Variants in PCGF3 observed in about 807,000 individuals in gnomAD.
The protein encoded by PCGF3 is polycomb group ring finger 3.
Under a neutral mutation model 33.1 loss-of-function variants are expected in PCGF3, and 7 were observed. That is an observed-to-expected ratio of 0.21 (90% confidence interval 0.12 to 0.40). The LOEUF is 0.40. PCGF3 is among the 10% of genes least tolerant of loss of function. The probability of loss-of-function intolerance (pLI) is 1.00; values close to 1 mark genes in which losing one functional copy is unlikely to be tolerated. For synonymous variants in PCGF3, 153 were observed against 121.3 expected (o/e 1.26, Z -1.72); for missense variants, 211 against 313.3 (o/e 0.67, Z 2.46).
At chr4:755,751 C>T (rs1744739646) in intron 8 of PCGF3, among the ~76,000 whole-genome samples, 1 of 152,018 alleles carries the variant, frequency 6.6e-6, no homozygotes, top group African/African-American at 2.4e-5. Context: ...CTCAGGTCCC[C>T]CTGGGCTCTC....
chr4:724,450 G>C (rs1342037390), intron 1 of PCGF3, among the ~76,000 whole-genome samples: 3 of 152,264 alleles, frequency 2.0e-5, no homozygotes, highest in African/African-American at 7.2e-5. Context: ...AGCCCATGCT[G>C]TGGGCTGGGT....
At position 721,928 on chromosome 4, in the gene PCGF3, CAT is replaced by C. The variant is rs1419079796; in HGVS notation, c.-189-8701_-189-8700del. 4.4e-5 allele frequency among the ~76,000 whole-genome samples: 6 copies of C among 135,506 alleles called. No individual in the cohort carries two copies. Among genetic ancestry groups the C allele is most frequent in the African/African-American group, 1.8e-4 (6 of 33,468 alleles). 88.9% of individuals were successfully genotyped at this position (135,506 alleles called of 152,430 possible). The stretch of plus-strand genomic sequence containing the variant: ...GAGAGGCCTGTGGGAGGTGGGTGGA[CAT>C]GTGTCGCTGCATGTGGGTGTGGGGA... On this transcript the variant is annotated intron_variant, in intron 1 of 10. Transcript: ENST00000362003. This position sits in a 1 kb window ranked among gnomAD's most constrained non-coding sequence, Gnocchi z 4.1.
At chr4:768,579 C>T (rs1274655427) in exon 11 of PCGF3, 1 of 152,112 alleles carries the variant, frequency 6.6e-6, no homozygotes, top group African/African-American at 2.4e-5. Flanking sequence ...TTTTCAACAG[C>T]AGTGGGGCTA....
intron 1 of PCGF3, among the ~76,000 whole-genome samples, chr4:708,342 G>C (rs957584866): frequency 3.9e-5 from 6 of 152,136 alleles, no homozygotes; most frequent in African/African-American, 1.4e-4. Flanking sequence ...GGAGCATGTA[G>C]GCCCCAAGAC....
chr4:714,848 C>G (rs1447872884), intron 1 of PCGF3, among the ~76,000 whole-genome samples: 1 of 152,248 alleles, frequency 6.6e-6, no homozygotes, highest in Non-Finnish European at 1.5e-5. Flanking sequence ...TTAATTACAG[C>G]TTCAAAAGTC....
chr4:739,848 C>G (rs1431913383), intron 6 of PCGF3, among the ~76,000 whole-genome samples: 1 of 152,228 alleles, frequency 6.6e-6, no homozygotes, highest in Non-Finnish European at 1.5e-5. Context: ...AGTCGAGAGG[C>G]AAGAGGTTCC....
intron 8 of PCGF3, among the ~76,000 whole-genome samples, chr4:753,655 A>G (rs1178221299): frequency 1.3e-5 from 2 of 150,986 alleles, no homozygotes; most frequent in African/African-American, 4.9e-5. Flanking sequence ...AAAAAAAAAA[A>G]AAGAAGACTG....
intron 7 of PCGF3, 27 bp from the exon 8 acceptor site, chr4:744,573 T>C (rs912722060): frequency 2.0e-6 from 3 of 1,503,422 alleles, no homozygotes; most frequent in South Asian, 1.2e-5. Context: ...GATTTCATGG[T>C]GCGCTATGTT....
exon 11 of PCGF3, chr4:768,258 G>C (rs1745466938): frequency 6.6e-6 from 1 of 152,664 alleles, no homozygotes; most frequent in Non-Finnish European, 1.5e-5. Context: ...TCATCGTGCA[G>C]ACAGTCTTCA....
Position 741,245 on chromosome 4 carries a change from C to A in PCGF3, c.263-2229C>A, listed in dbSNP as rs1168508219. On this transcript the variant is annotated intron_variant, in intron 6 of 10. Transcript: ENST00000362003. ...TTTAAAATGGAATGTCTCATCACAG[C>A]AGAATTTCTTCTCAGAAGTGAAAAT... 3.9e-5 allele frequency among the ~76,000 whole-genome samples: 6 copies of A among 152,216 alleles called. No individual in the cohort carries two copies. The South Asian group carries it at 1.0e-3, about 26-fold the overall frequency.
intron 1 of PCGF3, among the ~76,000 whole-genome samples, chr4:717,756 A>G (rs1742917874): frequency 6.6e-6 from 1 of 152,200 alleles, no homozygotes; most frequent in Non-Finnish European, 1.5e-5. Flanking sequence ...AAGGTGCAGG[A>G]GGGCGTGTTC....
Position 728,120 on chromosome 4 carries a change from G to A in PCGF3, c.-189-2510G>A, listed in dbSNP as rs776057829. Among the ~76,000 whole-genome samples the A allele has an allele frequency of 9.2e-5, 14 of 152,156 alleles. 1 individual carries two copies. The highest frequency in any genetic ancestry group is 1.8e-4 in the Non-Finnish European group (12 of 68,042). On this transcript the variant is annotated intron_variant, in intron 1 of 10. Coordinates refer to ENST00000362003, the Ensembl canonical transcript of PCGF3. ...ATTAGGGTCAAGTTCATCATATCTT[G>A]TCCGTGCTCGGACGTCACCTGCTTT... is the stretch of plus-strand genomic sequence containing the variant.
rs1743095733 is a variant in PCGF3, at chr4:721,930, T to TGG, written c.-189-8699_-189-8698insGG. On this transcript the variant is annotated intron_variant, in intron 1 of 10. Coordinates refer to ENST00000362003, the Ensembl canonical transcript of PCGF3. The surrounding 1 kb of genome is among the most constrained non-coding windows in gnomAD (Gnocchi z 4.1). ...GAGGCCTGTGGGAGGTGGGTGGACA[T>TGG]GTGTCGCTGCATGTGGGTGTGGGGA... Among the ~76,000 whole-genome samples the TGG allele has an allele frequency of 8.5e-6, 1 of 117,340 alleles. No individual in the cohort carries two copies. Among genetic ancestry groups the TGG allele is most frequent in the African/African-American group, 3.6e-5 (1 of 27,518 alleles). The allele number at this position is 117,340 out of a possible 152,430, so 77.0% of individuals were successfully genotyped here. A position where few individuals can be genotyped will look rare whatever the true frequency, so the allele number is the denominator to read the frequency against.
At chr4:738,513 C>CG (rs1229299391) in intron 6 of PCGF3, among the ~76,000 whole-genome samples, 1 of 151,440 alleles carries the variant, frequency 6.6e-6, no homozygotes, top group East Asian at 1.9e-4. Context: ...GGGATCGGGG[C>CG]GGGACCCCAA....
At chr4:732,960 C>T (rs982627530) in intron 3 of PCGF3, among the ~76,000 whole-genome samples, 39 of 152,158 alleles carry the variant, frequency 2.6e-4, no homozygotes, top group Admixed American at 1.8e-3. Flanking sequence ...GTCTGGTGGG[C>T]GAGCAGAGCG....
Position 766,341 on chromosome 4 carries a change from T to A in PCGF3, c.*262T>A, listed in dbSNP as rs181505560. On this transcript the variant is annotated 3_prime_UTR_variant, in exon 11 of 11. Transcript: ENST00000362003. ...CCGTGCTTCAGCCTTGCAGGGAGAG[T>A]GATGCTCCAGGCAACACGGTTCTGA... 1.5e-4 allele frequency: 63 copies of A among 413,470 alleles called. No individual in the cohort carries two copies. The East Asian group carries it at 2.5e-3, about 16-fold the overall frequency. The allele number at this position is 413,470 out of a possible 1,614,324, so 25.6% of individuals were successfully genotyped here.
rs372803686 is a variant in PCGF3 at position 716,036 on chromosome 4, T to C, written c.-190+10066T>C. ...CCCTGTAGACACTGAGTGTGAGAACTGGGCGTCGGTGCTGGAACCCTGTAG... is the reference window on the plus strand; with the variant it reads ...CCCTGTAGACACTGAGTGTGAGAACCGGGCGTCGGTGCTGGAACCCTGTAG... On this transcript the variant is annotated intron_variant, in intron 1 of 10. Transcript: ENST00000362003. 8.5e-3 allele frequency among the ~76,000 whole-genome samples: 1,128 copies of C among 132,172 alleles called. 29 individuals are homozygous for C. The highest frequency in any genetic ancestry group is 0.012 in the Non-Finnish European group (737 of 62,528). 86.7% of individuals were successfully genotyped at this position (132,172 alleles called of 152,430 possible).
intron 9 of PCGF3, chr4:762,508 C>G (rs1448750750): frequency 6.6e-6 from 1 of 152,328 alleles, no homozygotes; most frequent in Non-Finnish European, 1.5e-5. Flanking sequence ...GCCGAGGGCC[C>G]TGCCCCATGC....
At chr4:736,596 T>C (rs7677842) in intron 5 of PCGF3, among the ~76,000 whole-genome samples, 40,961 of 87,050 alleles carry the variant, frequency 0.47, 12,468 homozygotes, top group African/African-American at 0.6. Context: ...GCAGGGAACC[T>C]GGGGTGTCCG....
Sources: gnomAD v4.1 joint callset for allele counts (sites outside exome capture counted in the v4.1 genomes callset) on GRCh38, gnomAD v4.1.1 for gene constraint, Gnocchi (gnomAD v3.1) non-coding constraint, MANE v1.5 for transcripts, NCBI Gene and HGNC (gene_info 2026-07-23, HGNC 2026-07-21) for gene names.